GRIK1: variants seen among roughly 807,000 people sequenced by gnomAD.
GRIK1 encodes the protein glutamate receptor ionotropic, kainate 1.
GRIK1 carries 69 observed loss-of-function variants against 105.7 expected under a neutral mutation model. The ratio of observed to expected loss-of-function variants is 0.65; its 90% CI spans 0.54 to 0.80. The LOEUF (loss-of-function observed/expected upper bound fraction) is 0.80. GRIK1 is among the 30% of genes least tolerant of loss of function. GRIK1 has a pLI of 0.00. For missense variants in GRIK1, 1,109 were observed against 1,167.3 expected (o/e 0.95, Z 0.73); for synonymous variants, 438 against 431.3 (o/e 1.02, Z -0.19).
intron 1 of GRIK1, among the ~76,000 whole-genome samples, chr21:29,840,618 T>C (rs1485855299): frequency 6.6e-6 from 1 of 152,172 alleles, no homozygotes. Context: ...AGAGGGTGGA[T>C]CAAGTTTGAC....
chr21:29,733,393 A>G (rs2064690540), intron 1 of GRIK1, among the ~76,000 whole-genome samples: 1 of 152,126 alleles, frequency 6.6e-6, no homozygotes, highest in African/African-American at 2.4e-5. Context: ...GCTATATTCT[A>G]GCTATATGAA....
intron 16 of GRIK1, chr21:29,553,547 T>A (rs750218215): frequency 3.4e-5 from 51 of 1,483,854 alleles, no homozygotes; most frequent in South Asian, 7.9e-5. Context: ...TTTTTTTTTT[T>A]AAACTGATTA....
At chr21:29,661,226 C>A (rs1032717050) in intron 4 of GRIK1, among the ~76,000 whole-genome samples, 1 of 152,138 alleles carries the variant, frequency 6.6e-6, no homozygotes, top group South Asian at 2.1e-4. Context: ...CCAGAAAAAT[C>A]CTGATATACA....
At chr21:29,830,583 T>G (rs969224877) in intron 1 of GRIK1, among the ~76,000 whole-genome samples, 6 of 152,128 alleles carry the variant, frequency 3.9e-5, no homozygotes, top group Non-Finnish European at 8.8e-5. Context: ...TCCATGAAGC[T>G]CAGAGTCTTA....
intron 1 of GRIK1, among the ~76,000 whole-genome samples, chr21:29,852,720 T>C (rs1472131349): frequency 6.6e-6 from 1 of 152,268 alleles, no homozygotes; most frequent in Non-Finnish European, 1.5e-5. Flanking sequence ...AAGTGTTATG[T>C]TATTTCATTA....
intron 14 of GRIK1, among the ~76,000 whole-genome samples, chr21:29,568,072 T>G (rs2090652097): frequency 6.6e-6 from 1 of 152,228 alleles, no homozygotes; most frequent in Non-Finnish European, 1.5e-5. Flanking sequence ...TGCTAAAATA[T>G]TTTTCATGTT....
intron 7 of GRIK1, among the ~76,000 whole-genome samples, chr21:29,621,114 C>A (rs2061992229): frequency 6.6e-6 from 1 of 152,022 alleles, no homozygotes; most frequent in East Asian, 1.9e-4. Flanking sequence ...CAACAATGTG[C>A]CTTCCTAAAT....
intron 7 of GRIK1, among the ~76,000 whole-genome samples, chr21:29,610,683 G>C (rs2061712807): frequency 6.6e-6 from 1 of 152,120 alleles, no homozygotes; most frequent in Non-Finnish European, 1.5e-5. Context: ...AGTTCTGACT[G>C]CCAAAGCAGT....
At chr21:29,571,215 G>A (rs569793405) in intron 14 of GRIK1, among the ~76,000 whole-genome samples, 2 of 152,118 alleles carry the variant, frequency 1.3e-5, no homozygotes, top group Non-Finnish European at 2.9e-5. Flanking sequence ...AATATTAACT[G>A]GGCATGGTGG....
chr21:29,598,497 C>A (rs2061457536), intron 8 of GRIK1, among the ~76,000 whole-genome samples: 1 of 152,148 alleles, frequency 6.6e-6, no homozygotes, highest in African/African-American at 2.4e-5. Flanking sequence ...TTCTGCTTTT[C>A]CAAGTCTAAA....
chr21:29,873,569 G>A (rs991760627), intron 1 of GRIK1, among the ~76,000 whole-genome samples: 4 of 152,160 alleles, frequency 2.6e-5, no homozygotes, highest in African/African-American at 7.2e-5. Flanking sequence ...CCTAACAAAT[G>A]TTAGCTCTTT....
intron 1 of GRIK1, among the ~76,000 whole-genome samples, chr21:29,802,178 T>C (rs2066730035): frequency 6.6e-6 from 1 of 152,198 alleles, no homozygotes; most frequent in Non-Finnish European, 1.5e-5. Flanking sequence ...TGTCTCTGAA[T>C]TCAAAAATTG....
chr21:29,860,332 G>C (rs2068597095), intron 1 of GRIK1, among the ~76,000 whole-genome samples: 2 of 152,186 alleles, frequency 1.3e-5, no homozygotes, highest in Admixed American at 6.5e-5. Context: ...AGCATAATTG[G>C]ATGCCTCTCT....
rs181369426 is a variant in GRIK1 at position 29,573,836 on chromosome 21, G to A, written c.2130+3128C>T. On this transcript the variant is annotated intron_variant, in intron 14 of 17. Coordinates refer to ENST00000327783, the MANE Select transcript of GRIK1 (RefSeq NM_001330994.2). ...TGCACTCCACCCAGCCTGGGCGACA[G>A]AGCAAGACTCCGTCTGGAAAAAAAA... Among the ~76,000 whole-genome samples the A allele has an allele frequency of 1.2e-3, 171 of 145,396 alleles. 1 individual carries two copies. Among genetic ancestry groups the A allele is most frequent in the African/African-American group, 4.3e-3 (167 of 38,648 alleles).
Position 29,673,045 on chromosome 21 carries a change from C to G in GRIK1, c.664G>C (p.Gly222Arg), listed in dbSNP as rs1568958872. Residue 222 changes from glycine (G) to arginine (R), a missense_variant, in exon 4 of 18, where the codon GGC becomes CGC. Transcript: ENST00000327783. ...AKPLLKEMKK[G>R]KEFYVIFDCS... ...TCAAATATCACATAGAACTCCTTGC[C>G]TTTCTTCATCTCCTTGAGTAAAGGC... 6.2e-7 allele frequency: 1 copy of G among 1,613,400 alleles called. No individual in the cohort carries two copies. Among genetic ancestry groups the G allele is most frequent in the Non-Finnish European group, 8.5e-7 (1 of 1,179,390 alleles).
intron 1 of GRIK1, among the ~76,000 whole-genome samples, chr21:29,713,525 G>A (rs878967399): frequency 6.6e-6 from 1 of 152,128 alleles, no homozygotes; most frequent in Admixed American, 6.6e-5. Flanking sequence ...GGCATGGCAT[G>A]TGGAAACAAT....
chr21:29,657,380 ATT>A (rs2062874984), intron 4 of GRIK1: 1 of 152,166 alleles, frequency 6.6e-6, no homozygotes, highest in Admixed American at 6.5e-5. Context: ...TTATTATTGT[ATT>A]TTAAAATTCC....
At chr21:29,560,335 CTTTCTTTCTTTCTTTCTTTCTTTTT>C (rs1568812921) in intron 15 of GRIK1, among the ~76,000 whole-genome samples, 5 of 118,128 alleles carry the variant, frequency 4.2e-5, no homozygotes, top group Admixed American at 8.7e-5. Context: ...TTCTTTCTTT[CTTTCTTTCTTTCTTTCTTTCTTTTT>C]CTTTCTTCCT....
At chr21:29,684,664 C>G (rs376378049) in intron 3 of GRIK1, among the ~76,000 whole-genome samples, 1 of 152,130 alleles carries the variant, frequency 6.6e-6, no homozygotes, top group African/African-American at 2.4e-5. Context: ...CCCGCCACCA[C>G]GCCAGGCTAA....
Sources: gnomAD v4.1 joint callset for allele counts (sites outside exome capture counted in the v4.1 genomes callset) on GRCh38, gnomAD v4.1.1 for gene constraint, MANE v1.5 for transcripts, NCBI Gene and HGNC (gene_info 2026-07-23, HGNC 2026-07-21) for gene names.